ZNF362: variants seen among roughly 807,000 people sequenced by gnomAD.
The protein encoded by ZNF362 is rotund homolog.
In ZNF362, 11 loss-of-function variants were observed where a neutral mutation model predicts 42.9. The ratio of observed to expected loss-of-function variants is 0.26; its 90% CI spans 0.16 to 0.42. The LOEUF (loss-of-function observed/expected upper bound fraction) is 0.42. Among genes scored for constraint, ZNF362 ranks in the 20% least tolerant of loss-of-function variants. The pLI, the probability that ZNF362 is intolerant of heterozygous loss-of-function variation, is 1.00. For synonymous variants in ZNF362, 255 were observed against 257.3 expected (o/e 0.99, Z 0.09); for missense variants, 362 against 576.2 (o/e 0.63, Z 3.81).
rs1344616166 is a variant in ZNF362 at position 33,295,204 on chromosome 1, G to A, written c.1045G>A (p.Ala349Thr). 6.2e-7 allele frequency: 1 copy of A among 1,614,178 alleles called. No homozygotes were observed. Among genetic ancestry groups the A allele is most frequent in the South Asian group, 1.1e-5 (1 of 91,084 alleles). Residue 349 changes from alanine (A) to threonine (T), a missense_variant, in exon 8 of 9, where the codon GCC becomes ACC. By Grantham distance (58) the Ala-to-Thr change is moderately conservative. Around this residue, in one of 3 missense-constraint regions of ZNF362, gnomAD observed 68 missense variants for 107.4 expected, o/e 0.63. Transcript: ENST00000539719. ...CTACAAGTGTCCCAACTGCTACCGG[G>A]CCTATTCGGACTCCGCTTCTTTGCA... is the stretch of plus-strand genomic sequence containing the variant. Reference protein sequence around the residue: ...KPYKCPNCYRAYSDSASLQIH... With the variant: ...KPYKCPNCYRTYSDSASLQIH...
At chr1:33,204,112 T>C in the ZNF362 span, among the ~76,000 whole-genome samples, 2 of 152,192 alleles carry the variant, frequency 1.3e-5, no homozygotes, top group Non-Finnish European at 2.9e-5. Flanking sequence ...TTGGTTCTTA[T>C]ATTTAGGTCC....
chr1:33,279,698 G>A (rs752172272), intron 4 of ZNF362, among the ~76,000 whole-genome samples: 11 of 145,530 alleles, frequency 7.6e-5, no homozygotes, highest in Admixed American at 4.1e-4. Flanking sequence ...ATTTTGGCAC[G>A]TTCTTTCCTA....
chr1:33,295,892 T>A (rs1268732897), intron 8 of ZNF362, among the ~76,000 whole-genome samples: 2 of 152,206 alleles, frequency 1.3e-5, no homozygotes, highest in Non-Finnish European at 2.9e-5. Flanking sequence ...TAGAGGTCAC[T>A]GAGCCTCAGT....
At chr1:33,156,477 G>A in the ZNF362 span, among the ~76,000 whole-genome samples, 47 of 152,130 alleles carry the variant, frequency 3.1e-4, no homozygotes, top group African/African-American at 1.0e-3. Context: ...TCCTGGAAAT[G>A]CTTCCTCCAG....
chr1:33,276,412 C>G lies in ZNF362; in HGVS notation c.167C>G (p.Pro56Arg), dbSNP rs1468431596. 1.3e-6 allele frequency: 2 copies of G among 1,582,830 alleles called. No homozygotes were observed. The highest frequency in any genetic ancestry group is 1.2e-5 in the South Asian group (1 of 86,886). ...CTGATGGCCGAGAAGATCAGGCCGC[C>G]TCACCTGCCGCCCACGTCGGCCTCG... Reference protein sequence around the residue: ...EQLMAEKIRPPHLPPTSASSQ... With the variant: ...EQLMAEKIRPRHLPPTSASSQ... The change falls in exon 4 of 9, where the codon CCT becomes CGT. Residue 56 changes from proline (P) to arginine (R), a missense_variant. This residue lies in a region of ZNF362 where 266 missense variants were observed against 365.4 expected (regional missense o/e 0.73). Transcript: ENST00000539719.
the ZNF362 span, among the ~76,000 whole-genome samples, chr1:33,208,272 T>C: frequency 2.6e-5 from 4 of 152,226 alleles, no homozygotes; most frequent in African/African-American, 9.7e-5. Flanking sequence ...GCCTCTGTTC[T>C]GTTCCATTGA....
the ZNF362 span, among the ~76,000 whole-genome samples, chr1:33,243,105 G>GTT: frequency 2.3e-5 from 3 of 129,030 alleles, no homozygotes; most frequent in African/African-American, 6.3e-5. Flanking sequence ...CACCACAACT[G>GTT]TTATTATGTT....
chr1:33,225,202 T>C, the ZNF362 span, among the ~76,000 whole-genome samples: 1 of 152,172 alleles, frequency 6.6e-6, no homozygotes, highest in South Asian at 2.1e-4. Context: ...CCTCATCATC[T>C]TTAAGTCCTT....
rs1180025411 is a variant in ZNF362 at position 33,300,611 on chromosome 1, AAATC to A, written c.*1568_*1571del. ...AAAAAAGGGAGTGGGGAGCAAATGA[AAATC>A]AAATGTGGGGGGAAAACACTAAAGG... is the stretch of plus-strand genomic sequence containing the variant. On this transcript the variant is annotated 3_prime_UTR_variant, in exon 9 of 9. Coordinates refer to ENST00000539719, the MANE Select transcript of ZNF362 (RefSeq NM_152493.3). 3 of 152,130 alleles carry A rather than the reference AAATC, an allele frequency of 2.0e-5. No homozygotes were observed. The highest frequency in any genetic ancestry group is 7.2e-5 in the African/African-American group (3 of 41,394). 9.4% of individuals were successfully genotyped at this position (152,130 alleles called of 1,614,324 possible).
upstream of ZNF362, among the ~76,000 whole-genome samples, chr1:33,256,067 C>T (rs975503748): frequency 6.6e-6 from 1 of 151,380 alleles, no homozygotes; most frequent in African/African-American, 2.4e-5. Flanking sequence ...GGCGCCGGTG[C>T]CCTCCCCGCG....
At chr1:33,170,902 A>C in the ZNF362 span, among the ~76,000 whole-genome samples, 1 of 152,208 alleles carries the variant, frequency 6.6e-6, no homozygotes, top group Admixed American at 6.5e-5. Flanking sequence ...GTTCAGCCTC[A>C]CAGGGCACAG....
At chr1:33,237,912 A>G in the ZNF362 span, among the ~76,000 whole-genome samples, 9 of 152,354 alleles carry the variant, frequency 5.9e-5, no homozygotes, top group East Asian at 1.5e-3. Context: ...GAATCACTTC[A>G]TAGAGCTTTT....
chr1:33,270,542 A>G lies in ZNF362; in HGVS notation c.-33A>G. On this transcript the variant is annotated 5_prime_UTR_variant, in exon 2 of 9. Coordinates refer to ENST00000539719, the MANE Select transcript of ZNF362 (RefSeq NM_152493.3). The stretch of plus-strand genomic sequence containing the variant: ...GCTGGGGGTTCAGGGAAAGCTCCGT[A>G]GAAGAGGGAACACTTGAGCTGGGTC... The G allele has an allele frequency of 6.9e-7, 1 of 1,443,640 alleles. No individual in the cohort carries two copies. Among genetic ancestry groups the G allele is most frequent in the Non-Finnish European group, 9.7e-7 (1 of 1,026,218 alleles). The allele number at this position is 1,443,640 out of a possible 1,614,324, so 89.4% of individuals were successfully genotyped here. A position where few individuals can be genotyped will look rare whatever the true frequency, so the allele number is the denominator to read the frequency against.
chr1:33,198,805 T>C, the ZNF362 span, among the ~76,000 whole-genome samples: 1 of 152,112 alleles, frequency 6.6e-6, no homozygotes, highest in African/African-American at 2.4e-5. Context: ...AGAAGAAAGA[T>C]TAAACATGTT....
At chr1:33,218,455 T>A in the ZNF362 span, among the ~76,000 whole-genome samples, 1 of 152,090 alleles carries the variant, frequency 6.6e-6, no homozygotes, top group Non-Finnish European at 1.5e-5. Flanking sequence ...AATATTAAAA[T>A]TTTTGATATT....
At chr1:33,254,384 G>A (rs1488951039), upstream of ZNF362, among the ~76,000 whole-genome samples, 1 of 152,158 alleles carries the variant, frequency 6.6e-6, no homozygotes, top group African/African-American at 2.4e-5. Context: ...GCCTCCCAAA[G>A]TGCTGGAATT....
At chr1:33,190,380 C>G in the ZNF362 span, among the ~76,000 whole-genome samples, 1 of 152,132 alleles carries the variant, frequency 6.6e-6, no homozygotes, top group East Asian at 1.9e-4. Flanking sequence ...TGCTACCTGG[C>G]CTCTGCTGTT....
the ZNF362 span, among the ~76,000 whole-genome samples, chr1:33,144,012 C>T: frequency 2.6e-5 from 4 of 152,226 alleles, no homozygotes; most frequent in African/African-American, 7.2e-5. Context: ...TAAACCTAGT[C>T]CTTGCCTTTT....
At chr1:33,290,140 A>G (rs1370080298) in intron 6 of ZNF362, among the ~76,000 whole-genome samples, 1 of 152,034 alleles carries the variant, frequency 6.6e-6, no homozygotes, top group Admixed American at 6.6e-5. Flanking sequence ...ACATGTGCAG[A>G]ACGTGCAGGT....
Sources: gnomAD v4.1 joint callset for allele counts (sites outside exome capture counted in the v4.1 genomes callset) on GRCh38, gnomAD v4.1.1 for gene constraint, gnomAD v4.1.1 regional missense constraint, MANE v1.5 for transcripts, NCBI Gene and HGNC (gene_info 2026-07-23, HGNC 2026-07-21) for gene names.